The following BRINP2 variants were observed in gnomAD, a reference collection of about 807,000 sequenced individuals.
BRINP2 encodes the protein BMP/retinoic acid-inducible neural-specific protein 2.
Under a neutral mutation model 69.2 loss-of-function variants are expected in BRINP2, and 21 were observed. The observed-to-expected ratio is 0.30, with a 90% CI of 0.22 to 0.44. The LOEUF (loss-of-function observed/expected upper bound fraction) is 0.44. BRINP2 is among the 20% of genes least tolerant of loss of function. The probability of loss-of-function intolerance (pLI) is 1.00; values close to 1 mark genes in which losing one functional copy is unlikely to be tolerated. For missense variants in BRINP2, 877 were observed against 986.0 expected (o/e 0.89, Z 1.48); for synonymous variants, 380 against 394.1 (o/e 0.96, Z 0.42).
chr1:177,195,611 T>C (rs1648722880), intron 1 of BRINP2, among the ~76,000 whole-genome samples: 1 of 151,624 alleles, frequency 6.6e-6, no homozygotes. Flanking sequence ...GCAAGTTATT[T>C]AACCCCTCTG....
rs1459126507 is a variant in BRINP2 at position 177,257,217 on chromosome 1, G to C, written c.502G>C (p.Gly168Arg). 1 of 1,614,070 alleles carries C rather than the reference G, an allele frequency of 6.2e-7. No individual in the cohort carries two copies. Among genetic ancestry groups the C allele is most frequent in the East Asian group, 2.2e-5 (1 of 44,850 alleles). ...CATTTTTGTGGACAAGCAGAAACTG[G>C]GAAGAAAGACAGAGACAACAGGAGG... ...LTIFVDKQKLGRKTETTGGAS... is the reference protein window; with the variant it reads ...LTIFVDKQKLRRKTETTGGAS... The change falls in exon 4 of 8, where the codon GGA (glycine) becomes CGA (arginine). Residue 168 changes from glycine (G) to arginine (R), a missense_variant. By Grantham distance (125) the Gly-to-Arg change is moderately radical. This residue lies in a region of BRINP2 where 566 missense variants were observed against 625.2 expected (regional missense o/e 0.91). Transcript: ENST00000361539.
At chr1:177,263,757 G>T (rs1168418148) in intron 4 of BRINP2, among the ~76,000 whole-genome samples, 1 of 151,878 alleles carries the variant, frequency 6.6e-6, no homozygotes, top group Non-Finnish European at 1.5e-5. Flanking sequence ...AGGGAGGTAG[G>T]GTATATTTGA....
At chr1:177,213,271 T>C (rs1649281045) in intron 1 of BRINP2, among the ~76,000 whole-genome samples, 1 of 152,178 alleles carries the variant, frequency 6.6e-6, no homozygotes, top group Non-Finnish European at 1.5e-5. Flanking sequence ...CGGAATTATT[T>C]ATGGTGGAGA....
rs759081026 is a variant in BRINP2, at chr1:177,257,076, C to T, written c.461-100C>T. Reference sequence around the variant, plus strand: ...AGCTTGGCAGCAGGGGCTGCACTCTCTCTCAGCTGTGTCTATCTTGGCCAA... The same window carrying T: ...AGCTTGGCAGCAGGGGCTGCACTCTTTCTCAGCTGTGTCTATCTTGGCCAA... On this transcript the variant is annotated intron_variant, in intron 3 of 7. Transcript: ENST00000361539. The T allele has an allele frequency of 3.8e-6, 6 of 1,573,294 alleles. 1 individual carries two copies. The highest frequency in any genetic ancestry group is 2.3e-5 in the South Asian group (2 of 85,974).
At chr1:177,266,770 AAAAAAAAAAAGAAAG>A (rs1651140188) in intron 4 of BRINP2, among the ~76,000 whole-genome samples, 1 of 151,662 alleles carries the variant, frequency 6.6e-6, no homozygotes, top group Admixed American at 6.6e-5. Context: ...AAAAAAAAAA[AAAAAAAAAAAGAAAG>A]AAAAAAAAAA....
rs1055279390 is a variant in BRINP2 at position 177,270,089 on chromosome 1, G to GGC, written c.670-3398_670-3397insCG. Among the ~76,000 whole-genome samples the GGC allele has an allele frequency of 8.1e-5, 11 of 136,166 alleles. 1 individual carries two copies. The East Asian group carries it at 2.2e-3, about 28-fold the overall frequency. 89.3% of individuals were successfully genotyped at this position (136,166 alleles called of 152,430 possible). ...TCACTTTGGGGCAAGGGGTGGGGGGGGTGGTTCTCAAGCTATTCTGCTTAC... is the reference window on the plus strand; with the variant it reads ...TCACTTTGGGGCAAGGGGTGGGGGGGGCGTGGTTCTCAAGCTATTCTGCTTAC... On this transcript the variant is annotated intron_variant, in intron 4 of 7. Transcript: ENST00000361539.
chr1:177,185,008 G>T (rs1473174937), intron 1 of BRINP2, among the ~76,000 whole-genome samples: 1 of 152,022 alleles, frequency 6.6e-6, no homozygotes, highest in Non-Finnish European at 1.5e-5. Context: ...TCAGAAAACT[G>T]AATTTTAACA....
chr1:177,230,272 T>C lies in BRINP2; in HGVS notation c.269+127T>C. On this transcript the variant is annotated intron_variant, in intron 2 of 7. Coordinates refer to ENST00000361539, the MANE Select transcript of BRINP2 (RefSeq NM_021165.4). ...CTCAAACTGAGCTAGAGGTGAAAGC[T>C]GGAGGAACACCAGGCAGGGAAAATA... is the stretch of plus-strand genomic sequence containing the variant. The C allele has an allele frequency of 3.9e-6, 4 of 1,019,984 alleles. No individual in the cohort carries two copies. The South Asian group carries it at 8.6e-5, about 22-fold the overall frequency. 63.2% of individuals were successfully genotyped at this position (1,019,984 alleles called of 1,614,324 possible). A position where few individuals can be genotyped will look rare whatever the true frequency, so the allele number is the denominator to read the frequency against.
chr1:177,252,510 G>A (rs1451289204), intron 2 of BRINP2, among the ~76,000 whole-genome samples: 8 of 152,054 alleles, frequency 5.3e-5, no homozygotes, highest in African/African-American at 1.9e-4. Context: ...TGCATACACC[G>A]AATAATGATC....
chr1:177,278,827 C>T, intron 7 of BRINP2, 42 bp downstream of exon 7: 1 of 1,589,642 alleles, frequency 6.3e-7, no homozygotes. Flanking sequence ...TCAGCACCTC[C>T]CCTGACAGCT....
At chr1:177,277,629 G>A (rs1651542595) in intron 6 of BRINP2, among the ~76,000 whole-genome samples, 2 of 151,744 alleles carry the variant, frequency 1.3e-5, no homozygotes, top group African/African-American at 2.4e-5. Flanking sequence ...AGGCCCCAGG[G>A]GTTGCCATTT....
At chr1:177,220,474 C>T (rs1649493118) in intron 1 of BRINP2, among the ~76,000 whole-genome samples, 1 of 152,022 alleles carries the variant, frequency 6.6e-6, no homozygotes, top group African/African-American at 2.4e-5. Context: ...CTGCTTTTGC[C>T]ATGTGATGTG....
At chr1:177,263,974 T>C (rs896726768) in intron 4 of BRINP2, among the ~76,000 whole-genome samples, 3 of 152,148 alleles carry the variant, frequency 2.0e-5, no homozygotes, top group Non-Finnish European at 4.4e-5. Flanking sequence ...TGATCTTATG[T>C]TATAATTATG....
At chr1:177,211,312 A>C (rs1283245242) in intron 1 of BRINP2, among the ~76,000 whole-genome samples, 2 of 152,156 alleles carry the variant, frequency 1.3e-5, no homozygotes, top group African/African-American at 4.8e-5. Context: ...TTTCAGCTCT[A>C]CAGGGAAGTT....
rs75742601 is a variant in BRINP2, at chr1:177,206,556, C to T, written c.-76-23245C>T. Among the ~76,000 whole-genome samples the T allele has an allele frequency of 1.1e-3, 163 of 152,208 alleles. 4 individuals carry two copies. The highest frequency in any genetic ancestry group is 9.1e-3 in the East Asian group (47 of 5,166). On this transcript the variant is annotated intron_variant, in intron 1 of 7. Coordinates refer to ENST00000361539, the MANE Select transcript of BRINP2 (RefSeq NM_021165.4). ...TCTGATGTTTTATAGCTAAATCTTA[C>T]GTGTATTATTTTAGATATCACAGCA...
intron 1 of BRINP2, among the ~76,000 whole-genome samples, chr1:177,189,895 A>T (rs1027317440): frequency 2.0e-5 from 3 of 152,134 alleles, no homozygotes; most frequent in Non-Finnish European, 4.4e-5. Context: ...CAAAAAGGAA[A>T]GGGGTGTATG....
chr1:177,265,653 G>T (rs542732713), intron 4 of BRINP2, among the ~76,000 whole-genome samples: 1 of 152,112 alleles, frequency 6.6e-6, no homozygotes, highest in East Asian at 1.9e-4. Context: ...ATCCTGGGTG[G>T]CAGTGTGATG....
chr1:177,188,192 C>G (rs894405203), intron 1 of BRINP2, among the ~76,000 whole-genome samples: 9 of 152,152 alleles, frequency 5.9e-5, no homozygotes, highest in Non-Finnish European at 1.2e-4. Context: ...GTAACTTACT[C>G]AGCTTCATAT....
At chr1:177,256,712 A>G (rs889074222) in intron 3 of BRINP2, 159 of 1,076,972 alleles carry the variant, frequency 1.5e-4, no homozygotes, top group Non-Finnish European at 1.6e-4. Context: ...TCACTGTCCA[A>G]TCGACTAAAA....
Sources: gnomAD v4.1 joint callset for allele counts (sites outside exome capture counted in the v4.1 genomes callset) on GRCh38, gnomAD v4.1.1 for gene constraint, gnomAD v4.1.1 regional missense constraint, MANE v1.5 for transcripts, NCBI Gene and HGNC (gene_info 2026-07-23, HGNC 2026-07-21) for gene names.